The following PDCD7 variants were observed in gnomAD, a reference collection of about 807,000 sequenced individuals.
The protein encoded by PDCD7 is programmed cell death protein 7.
PDCD7 carries 40 observed loss-of-function variants against 42.1 expected under a neutral mutation model. That is an observed-to-expected ratio of 0.95 (90% confidence interval 0.74 to 1.24). The LOEUF is 1.24. Among genes scored for constraint, PDCD7 ranks in the 50% most tolerant of loss-of-function variants. The pLI, the probability that PDCD7 is intolerant of heterozygous loss-of-function variation, is 0.00. For synonymous variants in PDCD7, 299 were observed against 303.3 expected (o/e 0.99, Z 0.15); for missense variants, 644 against 662.8 (o/e 0.97, Z 0.31).
intron 2 of PDCD7, among the ~76,000 whole-genome samples, chr15:65,125,045 G>A (rs543865042): frequency 4.6e-5 from 7 of 152,224 alleles, no homozygotes; most frequent in South Asian, 2.1e-4. Context: ...GTCTACTGGC[G>A]CTCAGCAAAC....
chr15:65,133,343 G>C lies in PDCD7; in HGVS notation c.439C>G (p.Leu147Val). 8.0e-7 allele frequency: 1 copy of C among 1,254,342 alleles called. No homozygotes were observed. The highest frequency in any genetic ancestry group is 1.0e-6 in the Non-Finnish European group (1 of 1,001,384). 77.7% of individuals were successfully genotyped at this position (1,254,342 alleles called of 1,614,324 possible). A position where few individuals can be genotyped will look rare whatever the true frequency, so the allele number is the denominator to read the frequency against. Residue 147 changes from leucine to valine, a missense_variant, in exon 1 of 5, where the codon CTG becomes GTG. By Grantham distance (32) the Leu-to-Val change is conservative. Transcript: ENST00000204549. ...CGCGGGGTCCCGAACACCGCCTCCA[G>C]CCACTGCCGGTCGCGCAGGCGTTGG... Reference protein sequence around the residue: ...ALQRLRDRQWLEAVFGTPRRA... With the variant: ...ALQRLRDRQWVEAVFGTPRRA...
intron 2 of PDCD7, among the ~76,000 whole-genome samples, chr15:65,121,410 A>C (rs1010088672): frequency 6.6e-6 from 1 of 152,142 alleles, no homozygotes; most frequent in African/African-American, 2.4e-5. Flanking sequence ...GAGCTCACTA[A>C]AGGGAGGAAC....
intron 1 of PDCD7, among the ~76,000 whole-genome samples, chr15:65,131,250 T>A (rs1423603046): frequency 1.3e-5 from 2 of 152,328 alleles, no homozygotes; most frequent in East Asian, 3.9e-4. Flanking sequence ...GGGCTCCTTA[T>A]GAGAATCTAA....
chr15:65,127,508 T>G (rs998883646), intron 2 of PDCD7, among the ~76,000 whole-genome samples: 1 of 151,840 alleles, frequency 6.6e-6, no homozygotes. Flanking sequence ...CCCAAAGCTT[T>G]AAGTATAAGT....
In PDCD7 at chr15:65,119,461, C is replaced by T. The variant is rs1369793827; in HGVS notation, c.1249G>A (p.Glu417Lys). The change falls in exon 4 of 5, where the codon GAG becomes AAG. Residue 417 changes from glutamate (E) to lysine (K), a missense_variant and splice_region_variant. Transcript: ENST00000204549. ...IESKLFGDPDEFPLAHLLEPF... is the reference protein window; with the variant it reads ...IESKLFGDPDKFPLAHLLEPF... ...TCCAAGAGGTGAGCAAGTGGGAACT[C>T]ATCTGAAAGAGAAAAGCACAATACC... 1 of 1,610,358 alleles carries T rather than the reference C, an allele frequency of 6.2e-7. No individual in the cohort carries two copies. Among genetic ancestry groups the T allele is most frequent in the South Asian group, 1.1e-5 (1 of 90,936 alleles).
intron 2 of PDCD7, among the ~76,000 whole-genome samples, chr15:65,121,594 A>G (rs1410149455): frequency 5.3e-5 from 8 of 152,226 alleles, no homozygotes; most frequent in Admixed American, 5.2e-4. Context: ...CAGTAGGCTG[A>G]CCAACTGTTT....
chr15:65,132,885 A>AC, intron 1 of PDCD7, 27 bp downstream of exon 1: 1 of 1,599,518 alleles, frequency 6.3e-7, no homozygotes, highest in Non-Finnish European at 8.5e-7. Flanking sequence ...CACCACTCCT[A>AC]CCCCCATGAG....
At position 65,133,575 on chromosome 15, in the gene PDCD7, C is replaced by G. The variant is rs1293888780; in HGVS notation, c.207G>C (p.Glu69Asp). 8.1e-7 allele frequency: 1 copy of G among 1,231,556 alleles called. No homozygotes were observed. 76.3% of individuals were successfully genotyped at this position (1,231,556 alleles called of 1,614,324 possible). The change falls in exon 1 of 5, where the codon GAG becomes GAC. Residue 69 changes from glutamate to aspartate, a missense_variant. Transcript: ENST00000204549. Reference protein sequence around the residue: ...PLALQPRASAEASRGGGGAGA... With the variant: ...PLALQPRASADASRGGGGAGA... ...CAGCGCCGCCTCCGCCGCGGGAGGC[C>G]TCCGCGGAGGCTCGGGGCTGCAGAG... is the stretch of plus-strand genomic sequence containing the variant.
In PDCD7 at chr15:65,133,703, A is replaced by G; in HGVS notation, c.79T>C (p.Cys27Arg). 7.8e-7 allele frequency: 1 copy of G among 1,281,662 alleles called. No individual in the cohort carries two copies. Among genetic ancestry groups the G allele is most frequent in the Non-Finnish European group, 9.9e-7 (1 of 1,007,238 alleles). The allele number at this position is 1,281,662 out of a possible 1,614,324, so 79.4% of individuals were successfully genotyped here. Reference protein sequence around the residue: ...PQPPPPAPFGCPPPPLPSPAF... With the variant: ...PQPPPPAPFGRPPPPLPSPAF... ...GGGGAGGGCAGCGGCGGTGGCGGAC[A>G]GCCGAAAGGAGCAGGAGGCGGCGGC... Residue 27 changes from cysteine (C) to arginine (R), a missense_variant, in exon 1 of 5, where the codon TGT becomes CGT. Transcript: ENST00000204549.
chr15:65,133,615 A>G lies in PDCD7; in HGVS notation c.167T>C (p.Leu56Pro), dbSNP rs1595930432. ...GPFPGASAPF[L>P]QPPLALQPRA... ...GGGCTGCAGAGCCAGCGGAGGCTGAAGGAAGGGGGCGGAGGCCCCCGGAAA... is the reference window on the plus strand; with the variant it reads ...GGGCTGCAGAGCCAGCGGAGGCTGAGGGAAGGGGGCGGAGGCCCCCGGAAA... The change falls in exon 1 of 5, where the codon CTT (leucine) becomes CCT (proline). Residue 56 changes from leucine to proline, a missense_variant. Leu to Pro is a moderately conservative substitution (Grantham distance 98). Transcript: ENST00000204549. The G allele has an allele frequency of 8.0e-7, 1 of 1,243,254 alleles. No homozygotes were observed. Among genetic ancestry groups the G allele is most frequent in the Non-Finnish European group, 1.0e-6 (1 of 991,924 alleles). The allele number at this position is 1,243,254 out of a possible 1,614,324, so 77.0% of individuals were successfully genotyped here. A position where few individuals can be genotyped will look rare whatever the true frequency, so the allele number is the denominator to read the frequency against.
At position 65,133,804 on chromosome 15, in the gene PDCD7, G is replaced by T; in HGVS notation, c.-23C>A. The T allele has an allele frequency of 7.3e-7, 1 of 1,362,850 alleles. No individual in the cohort carries two copies. The highest frequency in any genetic ancestry group is 9.5e-7 in the Non-Finnish European group (1 of 1,056,554). The allele number at this position is 1,362,850 out of a possible 1,614,324, so 84.4% of individuals were successfully genotyped here. On this transcript the variant is annotated 5_prime_UTR_variant, in exon 1 of 5. Coordinates refer to ENST00000204549, the MANE Select transcript of PDCD7 (RefSeq NM_005707.2). ...CATGTTCACGACGGAGATGCTTTGA[G>T]AAGTGACAGGAATCTGAGTGGCTCC...
At chr15:65,130,154 C>CTTTTTTT (rs886281618) in intron 1 of PDCD7, among the ~76,000 whole-genome samples, 3 of 103,656 alleles carry the variant, frequency 2.9e-5, no homozygotes, top group Non-Finnish European at 5.9e-5. Context: ...CCCCAACCCT[C>CTTTTTTT]TTTTTTTTTT....
rs2087565451 is a variant in PDCD7 at position 65,133,774 on chromosome 15, A to G, written c.8T>C (p.Leu3Pro). ...GCGACCCTGGCCGAAGAATGGTGGC[A>G]GGGCCATGTTCACGACGGAGATGCT... MALPPFFGQGRPG... is the reference protein window; with the variant it reads MAPPPFFGQGRPG... The change falls in exon 1 of 5, where the codon CTG becomes CCG. Residue 3 changes from leucine to proline, a missense_variant. By Grantham distance (98) the Leu-to-Pro change is moderately conservative (BLOSUM62 -3). Coordinates refer to ENST00000204549, the MANE Select transcript of PDCD7 (RefSeq NM_005707.2). 1 of 1,355,896 alleles carries G rather than the reference A, an allele frequency of 7.4e-7. No individual in the cohort carries two copies. Among genetic ancestry groups the G allele is most frequent in the Non-Finnish European group, 9.5e-7 (1 of 1,051,980 alleles). 84.0% of individuals were successfully genotyped at this position (1,355,896 alleles called of 1,614,324 possible).
At chr15:65,132,124 G>GTATATATATATATATATATATATA (rs10570029) in intron 1 of PDCD7, among the ~76,000 whole-genome samples, 1 of 140,956 alleles carries the variant, frequency 7.1e-6, no homozygotes, top group African/African-American at 2.6e-5. Flanking sequence ...GTATGTATGT[G>GTATATATATATATATATATATATA]TATATATATA....
At chr15:65,119,105 T>G (rs573250067) in intron 4 of PDCD7, 2 of 480,860 alleles carry the variant, frequency 4.2e-6, no homozygotes, top group Non-Finnish European at 7.3e-6. Context: ...TATTTGCATA[T>G]GTGCCTACTA....
intron 1 of PDCD7, among the ~76,000 whole-genome samples, 175 bp from the exon 2 acceptor site, chr15:65,129,345 T>C (rs1026076081): frequency 6.6e-6 from 1 of 152,210 alleles, no homozygotes; most frequent in African/African-American, 2.4e-5. Context: ...GCTAAGAGGT[T>C]ATCCCCCTCC....
At chr15:65,126,256 T>C (rs1054345865) in intron 2 of PDCD7, among the ~76,000 whole-genome samples, 6 of 152,208 alleles carry the variant, frequency 3.9e-5, no homozygotes, top group African/African-American at 1.2e-4. Flanking sequence ...CTTCATCTTC[T>C]ACCTTGATTT....
At chr15:65,130,597 C>T (rs2087531906) in intron 1 of PDCD7, among the ~76,000 whole-genome samples, 1 of 152,244 alleles carries the variant, frequency 6.6e-6, no homozygotes, top group Non-Finnish European at 1.5e-5. Context: ...CTACAGCCAA[C>T]ACCAAGCTGT....
chr15:65,132,956 G>T lies in PDCD7; in HGVS notation c.826C>A (p.Arg276Ser). 6.2e-7 allele frequency: 1 copy of T among 1,606,424 alleles called. No homozygotes were observed. The highest frequency in any genetic ancestry group is 2.2e-5 in the East Asian group (1 of 44,862). Reference sequence around the variant, plus strand: ...TCCTGCACACACTTCACCCTCCAGCGGTCAATCTCCTGCTCGCGTTCCACT... The same window carrying T: ...TCCTGCACACACTTCACCCTCCAGCTGTCAATCTCCTGCTCGCGTTCCACT... ...RAVEREQEID[R>S]WRVKCVQEVE... is the part of the protein sequence containing the mutation. Residue 276 changes from arginine (R) to serine (S), a missense_variant, in exon 1 of 5, where the codon CGC (arginine) becomes AGC (serine). Physicochemically the swap from Arg to Ser is moderately radical, Grantham distance 110. Transcript: ENST00000204549.
Sources: allele counts gnomAD v4.1 joint callset (sites outside exome capture counted in the v4.1 genomes callset), GRCh38; gene constraint gnomAD v4.1.1; transcripts MANE v1.5; gene names NCBI Gene and HGNC (gene_info 2026-07-23, HGNC 2026-07-21).